TRIM24: variants seen among roughly 807,000 people sequenced by gnomAD.
The protein encoded by TRIM24 is tripartite motif containing 24.
In TRIM24, 29 loss-of-function variants were observed where a neutral mutation model predicts 123.9. That is an observed-to-expected ratio of 0.23 (90% CI 0.17 to 0.32). The LOEUF (loss-of-function observed/expected upper bound fraction) is 0.32, where lower values mean the gene tolerates loss of function less well. Among genes scored for constraint, TRIM24 ranks in the 10% least tolerant of loss-of-function variants. The probability of loss-of-function intolerance (pLI) is 1.00; values close to 1 mark genes in which losing one functional copy is unlikely to be tolerated. For missense variants in TRIM24, 932 were observed against 1,295.3 expected (o/e 0.72, Z 4.31); for synonymous variants, 456 against 461.1 (o/e 0.99, Z 0.14).
chr7:138,461,435 C>G (rs1311752330), intron 1 of TRIM24: 5 of 367,276 alleles, frequency 1.4e-5, no homozygotes, highest in Non-Finnish European at 2.6e-5. Flanking sequence ...TATTTCTTAT[C>G]TTGCATGTTT....
intron 1 of TRIM24, among the ~76,000 whole-genome samples, chr7:138,502,922 T>C (rs1796072433): frequency 2.0e-5 from 3 of 152,222 alleles, no homozygotes; most frequent in Non-Finnish European, 2.9e-5. Flanking sequence ...AAAAATTTAT[T>C]CCAATAAATT....
In TRIM24 at chr7:138,460,726, C is replaced by T; in HGVS notation, c.178C>T (p.His60Tyr). Residue 60 changes from histidine (H) to tyrosine (Y), a missense_variant, in exon 1 of 19, where the codon CAC (histidine) becomes TAC (tyrosine). Coordinates refer to ENST00000343526, the MANE Select transcript of TRIM24 (RefSeq NM_015905.3). ...LNLLDTCAVC[H>Y]QNIQSRAPKL... ...CCTGTTGGACACTTGCGCCGTGTGC[C>T]ACCAGAACATCCAGAGCCGGGCGCC... 1 of 1,573,666 alleles carries T rather than the reference C, an allele frequency of 6.4e-7. No individual in the cohort carries two copies. The highest frequency in any genetic ancestry group is 8.6e-7 in the Non-Finnish European group (1 of 1,163,328).
At position 138,473,687 on chromosome 7, in the gene TRIM24, T is replaced by C. The variant is rs181453241; in HGVS notation, c.364+12775T>C. 4.8e-4 allele frequency among the ~76,000 whole-genome samples: 73 copies of C among 152,374 alleles called. 1 individual carries two copies. The highest frequency in any genetic ancestry group is 8.2e-4 in the Non-Finnish European group (56 of 68,030). ...ACTGTATGCTTACTAGTTGATAGTC[T>C]GCTGTATGGATAACCATTTTCTTTT... On this transcript the variant is annotated intron_variant, in intron 1 of 18. Transcript: ENST00000343526.
chr7:138,486,322 C>T (rs957804481), intron 1 of TRIM24, among the ~76,000 whole-genome samples: 2 of 152,114 alleles, frequency 1.3e-5, no homozygotes, highest in Non-Finnish European at 2.9e-5. Flanking sequence ...TTTTGCTGTG[C>T]AGAAGTTCTT....
At chr7:138,537,467 A>G (rs1796915069) in intron 6 of TRIM24, among the ~76,000 whole-genome samples, 1 of 145,606 alleles carries the variant, frequency 6.9e-6, no homozygotes, top group Admixed American at 7.0e-5. Flanking sequence ...TTAAAGGCAA[A>G]TAAAAATAAC....
intron 14 of TRIM24, among the ~76,000 whole-genome samples, chr7:138,578,529 GTT>G (rs35782007): frequency 1.5e-4 from 17 of 112,612 alleles, no homozygotes; most frequent in African/African-American, 5.3e-4. Context: ...GGTGGTGGTG[GTT>G]TTGTGTGTGT....
At chr7:138,520,960 T>C (rs148863973) in intron 4 of TRIM24, among the ~76,000 whole-genome samples, 412 of 152,286 alleles carry the variant, frequency 2.7e-3, no homozygotes, top group African/African-American at 8.9e-3. Flanking sequence ...CTGAGAACTT[T>C]CAGAAGCTGA....
At position 138,576,441 on chromosome 7, in the gene TRIM24, G is replaced by A. The variant is rs1797760897; in HGVS notation, c.2083G>A (p.Gly695Arg). Residue 695 changes from glycine to arginine, a missense_variant, in exon 13 of 19, where the codon GGA becomes AGA. Around this residue, in one of 7 missense-constraint regions of TRIM24, gnomAD observed 527 missense variants for 691.3 expected, o/e 0.76. Transcript: ENST00000343526. The part of the protein sequence containing the change: ...SPSASSVGSR[G>R]SSGSSSKPAG... ...TAGTGCCTCCAGCGTTGGAAGCCGA[G>A]GAAGGTAAACTGACTAAACCATATT... 2 of 1,613,488 alleles carry A rather than the reference G, an allele frequency of 1.2e-6. No individual in the cohort carries two copies. The highest frequency in any genetic ancestry group is 2.2e-5 in the East Asian group (1 of 44,876).
intron 14 of TRIM24, among the ~76,000 whole-genome samples, chr7:138,578,599 A>T (rs1797823571): frequency 6.6e-6 from 1 of 151,768 alleles, no homozygotes; most frequent in Admixed American, 6.6e-5. Flanking sequence ...ACGGGGTTGG[A>T]GAATCAGAAT....
chr7:138,477,084 C>G (rs766480699), intron 1 of TRIM24, among the ~76,000 whole-genome samples: 1 of 151,974 alleles, frequency 6.6e-6, no homozygotes, highest in Non-Finnish European at 1.5e-5. Flanking sequence ...TTTCTTAGCT[C>G]TATCCACTAA....
intron 9 of TRIM24, among the ~76,000 whole-genome samples, chr7:138,562,753 C>T (rs1797453055): frequency 6.6e-6 from 1 of 152,146 alleles, no homozygotes; most frequent in African/African-American, 2.4e-5. Context: ...TTCAAGTATT[C>T]CTGGTTTGTG....
intron 1 of TRIM24, among the ~76,000 whole-genome samples, chr7:138,501,899 C>CAAAAACAAAAAA (rs377018923): frequency 6.7e-6 from 1 of 149,744 alleles, no homozygotes; most frequent in African/African-American, 2.5e-5. Context: ...AAAAAAAAAA[C>CAAAAACAAAAAA]CAGTAGCAAC....
chr7:138,568,379 C>CTTTTTTTTTTTTTTTTTTT (rs60386130), intron 10 of TRIM24, among the ~76,000 whole-genome samples: 27 of 68,700 alleles, frequency 3.9e-4, no homozygotes, highest in Non-Finnish European at 4.8e-4. Flanking sequence ...ACCTGGCCTC[C>CTTTTTTTTTTTTTTTTTTT]TTTTTTTTTT....
At chr7:138,581,675 G>C in intron 16 of TRIM24, 22 bp from the exon 17 acceptor site, 2 of 1,579,884 alleles carry the variant, frequency 1.3e-6, no homozygotes, top group Non-Finnish European at 1.7e-6. Context: ...TTTTATCTCA[G>C]TTTTTATTTA....
rs149780540 is a variant in TRIM24, at chr7:138,514,909, C to T, written c.484-303C>T. On this transcript the variant is annotated intron_variant, in intron 2 of 18. Coordinates refer to ENST00000343526, the MANE Select transcript of TRIM24 (RefSeq NM_015905.3). ...AAGACTGTAGTTATCATAAGGGCAG[C>T]GACCATGTTTGCTTTTCCTGACTGT... is the stretch of plus-strand genomic sequence containing the variant. 355 of 233,392 alleles carry T rather than the reference C, an allele frequency of 1.5e-3. 2 individuals carry two copies. Among genetic ancestry groups the T allele is most frequent in the African/African-American group, 7.5e-3 (339 of 45,442 alleles). The allele number at this position is 233,392 out of a possible 1,614,324, so 14.5% of individuals were successfully genotyped here. A position where few individuals can be genotyped will look rare whatever the true frequency, so the allele number is the denominator to read the frequency against.
chr7:138,508,022 G>GT (rs1209977414), intron 2 of TRIM24, among the ~76,000 whole-genome samples: 2 of 151,936 alleles, frequency 1.3e-5, no homozygotes, highest in Non-Finnish European at 1.5e-5. Flanking sequence ...AATATTATAG[G>GT]TTTTTTTAAA....
At chr7:138,529,776 A>G (rs1039469397) in intron 6 of TRIM24, among the ~76,000 whole-genome samples, 11 of 152,106 alleles carry the variant, frequency 7.2e-5, no homozygotes, top group Admixed American at 7.2e-4. Context: ...GCTTTTTAAA[A>G]CTCATGAAGG....
Position 138,529,224 on chromosome 7 carries a change from G to A in TRIM24, c.990G>A (p.Gln330=), listed in dbSNP as rs775625125. The A allele has an allele frequency of 6.6e-7, 1 of 1,512,210 alleles. No individual in the cohort carries two copies. Among genetic ancestry groups the A allele is most frequent in the Non-Finnish European group, 8.9e-7 (1 of 1,123,452 alleles). The allele number at this position is 1,512,210 out of a possible 1,614,324, so 93.7% of individuals were successfully genotyped here. The change falls in exon 6 of 19, where the codon CAG becomes CAA. Residue 330 remains glutamine (Q), a synonymous_variant. Coordinates refer to ENST00000343526, the MANE Select transcript of TRIM24 (RefSeq NM_015905.3). ...INKKGKALLH[Q]LESLAKDHRM... is the part of the protein sequence containing the mutation. ...AAAAAGGAAAAGCTCTACTGCATCA[G>A]TTAGAGGTAAGTGACTGCCCATGGG...
intron 1 of TRIM24, among the ~76,000 whole-genome samples, chr7:138,463,989 C>CTTTTGTTTTTTTTT (rs1795072496): frequency 2.0e-5 from 1 of 50,766 alleles, no homozygotes; most frequent in East Asian, 4.5e-4. Flanking sequence ...AAAATTTAGA[C>CTTTTGTTTTTTTTT]TTTTTTTTTT....
Sources: gnomAD v4.1 joint callset for allele counts (sites outside exome capture counted in the v4.1 genomes callset) on GRCh38, gnomAD v4.1.1 for gene constraint, gnomAD v4.1.1 regional missense constraint, MANE v1.5 for transcripts, NCBI Gene and HGNC (gene_info 2026-07-23, HGNC 2026-07-21) for gene names.